FHIT: variants seen among roughly 807,000 people sequenced by gnomAD.
FHIT encodes the protein fragile histidine triad diadenosine triphosphatase.
In FHIT, 19 loss-of-function variants were observed where a neutral mutation model predicts 17.9. That is an observed-to-expected ratio of 1.06 (90% CI 0.74 to 1.56). The LOEUF (loss-of-function observed/expected upper bound fraction) is 1.56. Ranked by LOEUF, FHIT falls within the 40% of genes most tolerant of loss-of-function variation. The pLI is 0.00. For synonymous variants in FHIT, 81 were observed against 69.7 expected (o/e 1.16, Z -0.81); for missense variants, 248 against 189.2 (o/e 1.31, Z -1.82).
chr3:60,422,780 A>C (rs1559900928), intron 5 of FHIT, among the ~76,000 whole-genome samples: 1 of 152,210 alleles, frequency 6.6e-6, no homozygotes, highest in East Asian at 1.9e-4. Flanking sequence ...TTCTATCACA[A>C]ACTCCAAATA....
At chr3:59,946,438 T>G (rs1706807407) in intron 7 of FHIT, among the ~76,000 whole-genome samples, 1 of 152,190 alleles carries the variant, frequency 6.6e-6, no homozygotes, top group Non-Finnish European at 1.5e-5. Context: ...CTACAGGGTT[T>G]CCCAGGCATA....
intron 8 of FHIT, among the ~76,000 whole-genome samples, chr3:59,902,704 A>T (rs1479276626): frequency 1.3e-5 from 2 of 152,212 alleles, no homozygotes; most frequent in African/African-American, 4.8e-5. Context: ...CAGAAAGAAA[A>T]CTACTGCATG....
intron 3 of FHIT, among the ~76,000 whole-genome samples, chr3:60,878,431 C>A (rs1370295691): frequency 6.6e-6 from 1 of 152,008 alleles, no homozygotes; most frequent in Non-Finnish European, 1.5e-5. Context: ...AATAGGAGGA[C>A]CCCAAAAGCC....
At chr3:60,960,809 C>T (rs1005832779) in intron 3 of FHIT, among the ~76,000 whole-genome samples, 5 of 152,218 alleles carry the variant, frequency 3.3e-5, no homozygotes, top group Non-Finnish European at 5.9e-5. Flanking sequence ...ATATGTGCCA[C>T]ATTTTCTTAA....
At chr3:60,578,599 TATC>T (rs2037651179) in intron 4 of FHIT, among the ~76,000 whole-genome samples, 2 of 152,290 alleles carry the variant, frequency 1.3e-5, no homozygotes, top group African/African-American at 4.8e-5. Flanking sequence ...ATTCAGCTTA[TATC>T]ATATGTGGCA....
intron 5 of FHIT, among the ~76,000 whole-genome samples, chr3:60,156,869 A>C (rs986437475): frequency 2.0e-5 from 3 of 152,180 alleles, no homozygotes; most frequent in Admixed American, 2.0e-4. Flanking sequence ...TGGCAACAAA[A>C]GTAATGCTGG....
intron 2 of FHIT, among the ~76,000 whole-genome samples, chr3:61,163,196 G>A (rs896485175): frequency 5.9e-5 from 9 of 151,942 alleles, no homozygotes; most frequent in Non-Finnish European, 1.2e-4. Flanking sequence ...TCAGATTTGG[G>A]CACAATTATA....
intron 3 of FHIT, among the ~76,000 whole-genome samples, chr3:60,904,451 C>G (rs1178820555): frequency 6.7e-6 from 1 of 149,154 alleles, no homozygotes; most frequent in Non-Finnish European, 1.5e-5. Context: ...GTGGGGAAAG[C>G]CTTTCTAACT....
At chr3:60,090,634 C>T (rs764989964) in intron 5 of FHIT, among the ~76,000 whole-genome samples, 4 of 152,146 alleles carry the variant, frequency 2.6e-5, no homozygotes, top group Non-Finnish European at 5.9e-5. Context: ...AAGGTGACAA[C>T]CCTTTCTCTG....
At chr3:60,255,331 C>T (rs932992760) in intron 5 of FHIT, among the ~76,000 whole-genome samples, 1 of 152,198 alleles carries the variant, frequency 6.6e-6, no homozygotes, top group Non-Finnish European at 1.5e-5. Flanking sequence ...CATCAAACCA[C>T]GCAGAAACAA....
chr3:59,816,472 G>C (rs1001771181), intron 8 of FHIT, among the ~76,000 whole-genome samples: 2 of 152,196 alleles, frequency 1.3e-5, no homozygotes, highest in East Asian at 3.8e-4. Flanking sequence ...ATGTGATGCT[G>C]TGAGGTCCCA....
intron 3 of FHIT, among the ~76,000 whole-genome samples, chr3:60,853,437 A>G (rs1202776655): frequency 7.2e-5 from 11 of 152,076 alleles, no homozygotes; most frequent in South Asian, 2.1e-4. Flanking sequence ...ACTGTGTTCA[A>G]TTTCCCTGCT....
At chr3:60,745,328 T>C (rs557500646) in intron 4 of FHIT, among the ~76,000 whole-genome samples, 11 of 152,276 alleles carry the variant, frequency 7.2e-5, no homozygotes, top group Admixed American at 1.3e-4. Flanking sequence ...CTCAAAGGCC[T>C]TGCCGTGAGG....
chr3:60,250,555 T>C (rs931483309), intron 5 of FHIT, among the ~76,000 whole-genome samples: 3 of 152,174 alleles, frequency 2.0e-5, no homozygotes, highest in Admixed American at 6.5e-5. Context: ...CGGGTATTGA[T>C]ATAATTAGGG....
intron 8 of FHIT, among the ~76,000 whole-genome samples, chr3:59,795,108 C>T (rs1214586464): frequency 2.6e-5 from 4 of 152,160 alleles, no homozygotes; most frequent in South Asian, 2.1e-4. Flanking sequence ...AAAAATAATA[C>T]TGGCCAGTGG....
chr3:60,007,785 C>G (rs934299975), intron 7 of FHIT, among the ~76,000 whole-genome samples: 49 of 152,256 alleles, frequency 3.2e-4, no homozygotes, highest in African/African-American at 1.1e-3. Context: ...TTAGCAAGGC[C>G]TGTGTGTTCA....
chr3:61,145,946 T>G (rs1224585118), intron 2 of FHIT, among the ~76,000 whole-genome samples: 1 of 152,020 alleles, frequency 6.6e-6, no homozygotes, highest in Non-Finnish European at 1.5e-5. Flanking sequence ...AACTTTTAAA[T>G]TATTTTGTCC....
chr3:60,007,577 C>A (rs1699973960), intron 7 of FHIT, among the ~76,000 whole-genome samples: 1 of 152,210 alleles, frequency 6.6e-6, no homozygotes, highest in Non-Finnish European at 1.5e-5. Flanking sequence ...TTGCCCGGTT[C>A]ATGGCTCAGA....
chr3:59,921,126 A>G (rs939168501), intron 8 of FHIT, among the ~76,000 whole-genome samples: 7 of 152,260 alleles, frequency 4.6e-5, no homozygotes, highest in Non-Finnish European at 8.8e-5. Flanking sequence ...CATACAAAGC[A>G]AAAGATAGTA....
Sources: gnomAD v4.1 joint callset for allele counts (sites outside exome capture counted in the v4.1 genomes callset) on GRCh38, gnomAD v4.1.1 for gene constraint, MANE v1.5 for transcripts, NCBI Gene and HGNC (gene_info 2026-07-23, HGNC 2026-07-21) for gene names.